Variants in SLC36A2 observed in about 807,000 individuals in gnomAD.
SLC36A2 encodes the protein proton-coupled amino acid transporter 2.
Under a neutral mutation model 42.7 loss-of-function variants are expected in SLC36A2, and 39 were observed. That is an observed-to-expected ratio of 0.91 (90% confidence interval 0.71 to 1.19). The LOEUF (loss-of-function observed/expected upper bound fraction) is 1.19. Ranked by LOEUF, SLC36A2 falls within the 50% of genes most tolerant of loss-of-function variation. The pLI, the probability that SLC36A2 is intolerant of heterozygous loss-of-function variation, is 0.00. For synonymous variants in SLC36A2, 237 were observed against 240.8 expected (o/e 0.98, Z 0.15); for missense variants, 590 against 613.7 (o/e 0.96, Z 0.41).
intron 5 of SLC36A2, among the ~76,000 whole-genome samples, chr5:151,336,459 C>CTTTTT (rs769643262): frequency 1.8e-5 from 2 of 113,192 alleles, no homozygotes; most frequent in Non-Finnish European, 3.7e-5. Context: ...TTCCCTCAAT[C>CTTTTT]TTTTTTTTTT....
intron 5 of SLC36A2, among the ~76,000 whole-genome samples, 176 bp from the exon 6 acceptor site, chr5:151,335,723 T>C (rs1397096606): frequency 2.0e-5 from 3 of 152,128 alleles, no homozygotes; most frequent in African/African-American, 7.2e-5. Flanking sequence ...CTCTACACCA[T>C]ACTACCTCAG....
chr5:151,342,942 T>C lies in SLC36A2; in HGVS notation c.386A>G (p.His129Arg), dbSNP rs1192854629. 31 of 1,614,012 alleles carry C rather than the reference T, an allele frequency of 1.9e-5. No homozygotes were observed. Among genetic ancestry groups the C allele is most frequent in the Non-Finnish European group, 2.3e-5 (27 of 1,180,008 alleles). The change falls in exon 4 of 10, where the codon CAT (histidine) becomes CGT (arginine). Residue 129 changes from histidine (H) to arginine (R), a missense_variant. Coordinates refer to ENST00000335244, the MANE Select transcript of SLC36A2 (RefSeq NM_181776.3). ...GGCGTTGGGGTTGGCTTCTAGTCCATGCATCACCGTGTCCCCATAGTCCAT... is the reference window on the plus strand; with the variant it reads ...GGCGTTGGGGTTGGCTTCTAGTCCACGCATCACCGTGTCCCCATAGTCCAT... ...PFMDYGDTVM[H>R]GLEANPNAWL...
intron 8 of SLC36A2, among the ~76,000 whole-genome samples, chr5:151,322,896 T>C (rs1755737357): frequency 6.6e-6 from 1 of 152,212 alleles, no homozygotes; most frequent in Non-Finnish European, 1.5e-5. Flanking sequence ...GAGATGTGAC[T>C]GTTTTCCTTC....
chr5:151,334,408 G>A (rs1049518944), intron 6 of SLC36A2, among the ~76,000 whole-genome samples: 5 of 151,878 alleles, frequency 3.3e-5, no homozygotes, highest in Admixed American at 2.6e-4. Context: ...AGAAGAATTA[G>A]GCTGGGCGTG....
intron 9 of SLC36A2, 58 bp downstream of exon 9, chr5:151,321,988 A>T: frequency 6.2e-7 from 1 of 1,610,428 alleles, no homozygotes; most frequent in Non-Finnish European, 8.5e-7. Flanking sequence ...CATCTGGCTG[A>T]TTCTTTATAG....
chr5:151,322,107 C>A lies in SLC36A2; in HGVS notation c.1119G>T (p.Val373=), dbSNP rs1273398952. ...EIIIPFAISR[V]STRWALPLDL... is the part of the protein sequence containing the mutation. Reference sequence around the variant, plus strand: ...CCAGAGGCAGTGCCCAGCGTGTTGACACCCGGGAGATGGCAAAGGGGATGA... The same window carrying A: ...CCAGAGGCAGTGCCCAGCGTGTTGAAACCCGGGAGATGGCAAAGGGGATGA... Residue 373 remains valine, a synonymous_variant, in exon 9 of 10, where the codon GTG becomes GTT. Coordinates refer to ENST00000335244, the MANE Select transcript of SLC36A2 (RefSeq NM_181776.3). 3 of 1,614,194 alleles carry A rather than the reference C, an allele frequency of 1.9e-6. No individual in the cohort carries two copies. The Admixed American group carries it at 5.0e-5, about 27-fold the overall frequency.
rs1235577966 is a variant in SLC36A2, at chr5:151,342,879, A to G, written c.440+9T>C. 1 of 1,613,444 alleles carries G rather than the reference A, an allele frequency of 6.2e-7. No homozygotes were observed. Among genetic ancestry groups the G allele is most frequent in the Non-Finnish European group, 8.5e-7 (1 of 1,179,404 alleles). On this transcript the variant is annotated intron_variant, in intron 4 of 9. Transcript: ENST00000335244. ...CTACCCCACTGCAGGCAAAGCAAGA[A>G]CAGGTTACCTTCCCCAGTGAGCGTG...
chr5:151,347,164 A>G (rs990079281), intron 1 of SLC36A2, 133 bp downstream of exon 1: 128 of 1,073,154 alleles, frequency 1.2e-4, no homozygotes, highest in Non-Finnish European at 1.5e-4. Context: ...TCAGCCCATG[A>G]CTGCACCTTT....
At chr5:151,322,355 A>T (rs967136615) in intron 8 of SLC36A2, 140 bp from the exon 9 acceptor site, 7 of 965,348 alleles carry the variant, frequency 7.3e-6, no homozygotes, top group Admixed American at 2.0e-5. Context: ...GGACCTTCTA[A>T]GAATCAAGAG....
At chr5:151,337,480 G>A (rs1203875164) in intron 5 of SLC36A2, among the ~76,000 whole-genome samples, 1 of 152,194 alleles carries the variant, frequency 6.6e-6, no homozygotes, top group Non-Finnish European at 1.5e-5. Flanking sequence ...CTACTTGGCT[G>A]TAAACTCCTT....
chr5:151,327,164 T>G (rs1396231838), intron 7 of SLC36A2, among the ~76,000 whole-genome samples: 1 of 152,158 alleles, frequency 6.6e-6, no homozygotes, highest in African/African-American at 2.4e-5. Context: ...AATGGCACAG[T>G]TAAGGGCTTA....
At chr5:151,325,105 G>T in intron 8 of SLC36A2, 181 bp downstream of exon 8, 1 of 731,046 alleles carries the variant, frequency 1.4e-6, no homozygotes, top group Non-Finnish European at 2.4e-6. Flanking sequence ...TTGGGAGGCT[G>T]TTGTTGAAGG....
At chr5:151,325,019 C>A in intron 8 of SLC36A2, 1 of 493,660 alleles carries the variant, frequency 2.0e-6, no homozygotes, top group East Asian at 4.0e-5. Flanking sequence ...CCTTAGTAGA[C>A]CAAGGGCTCT....
At chr5:151,326,251 C>A (rs927256502) in intron 7 of SLC36A2, among the ~76,000 whole-genome samples, 1 of 152,200 alleles carries the variant, frequency 6.6e-6, no homozygotes, top group Non-Finnish European at 1.5e-5. Flanking sequence ...CACAGTCTTT[C>A]GACAATTGAA....
intron 6 of SLC36A2, among the ~76,000 whole-genome samples, chr5:151,334,245 C>T (rs1205209508): frequency 6.6e-6 from 1 of 152,152 alleles, no homozygotes; most frequent in Non-Finnish European, 1.5e-5. Flanking sequence ...TGCAGTTATT[C>T]TAAAATGTTT....
chr5:151,341,656 A>G (rs1333719175), intron 4 of SLC36A2, among the ~76,000 whole-genome samples: 2 of 152,132 alleles, frequency 1.3e-5, no homozygotes, highest in Non-Finnish European at 2.9e-5. Flanking sequence ...AGCTCAACAA[A>G]GGGTTCTTAA....
intron 9 of SLC36A2, 30 bp from the exon 10 acceptor site, chr5:151,317,118 G>A: frequency 6.2e-7 from 1 of 1,611,160 alleles, no homozygotes; most frequent in South Asian, 1.1e-5. Context: ...GAGAGATGGA[G>A]CATTCCAGGC....
intron 1 of SLC36A2, among the ~76,000 whole-genome samples, chr5:151,346,498 G>A (rs1404339867): frequency 6.6e-6 from 1 of 151,986 alleles, no homozygotes; most frequent in Non-Finnish European, 1.5e-5. Context: ...CTTAGAGAAG[G>A]AGCAGAGAAA....
In SLC36A2 at chr5:151,340,862, T is replaced by C. The variant is rs1250726378; in HGVS notation, c.441-1718A>G. ...AGTGTTGATGGCACCCATTTGCTCG[T>C]TGCAGTAGACCCATTGTCTAAAGCA... is the stretch of plus-strand genomic sequence containing the variant. On this transcript the variant is annotated intron_variant, in intron 4 of 9. Transcript: ENST00000335244. 2.0e-5 allele frequency among the ~76,000 whole-genome samples: 3 copies of C among 152,220 alleles called. No homozygotes were observed. In the South Asian group the frequency reaches 6.2e-4, roughly 31 times the overall value.
Sources: gnomAD v4.1 joint callset for allele counts (sites outside exome capture counted in the v4.1 genomes callset) on GRCh38, gnomAD v4.1.1 for gene constraint, MANE v1.5 for transcripts, NCBI Gene and HGNC (gene_info 2026-07-23, HGNC 2026-07-21) for gene names.